NKAIN3: variants seen among roughly 807,000 people sequenced by gnomAD.
NKAIN3 encodes the protein sodium/potassium transporting ATPase interacting 3.
In NKAIN3, 25 loss-of-function variants were observed where a neutral mutation model predicts 30.2. The ratio of observed to expected loss-of-function variants is 0.83; its 90% CI spans 0.60 to 1.16. The LOEUF is 1.16. NKAIN3 is among the 50% of genes most tolerant of loss of function. The pLI, the probability that NKAIN3 is intolerant of heterozygous loss-of-function variation, is 0.00. For synonymous variants in NKAIN3, 91 were observed against 89.6 expected (o/e 1.02, Z -0.09); for missense variants, 225 against 254.1 (o/e 0.89, Z 0.78).
chr8:62,573,463 C>A (rs577976147), intron 1 of NKAIN3, among the ~76,000 whole-genome samples: 1 of 152,192 alleles, frequency 6.6e-6, no homozygotes, highest in African/African-American at 2.4e-5. Context: ...TTGAACCATG[C>A]TTTCGTTATG....
chr8:62,926,726 G>A (rs1822458504), intron 5 of NKAIN3, among the ~76,000 whole-genome samples: 1 of 152,058 alleles, frequency 6.6e-6, no homozygotes, highest in African/African-American at 2.4e-5. Context: ...CTGAGACTCT[G>A]TCACACAAAA....
intron 3 of NKAIN3, among the ~76,000 whole-genome samples, chr8:62,746,431 A>G (rs1816072585): frequency 6.6e-6 from 1 of 152,248 alleles, no homozygotes; most frequent in Non-Finnish European, 1.5e-5. Context: ...GAAGCTAAGT[A>G]TCATTGGTGG....
At chr8:62,677,985 A>G (rs888708171) in intron 3 of NKAIN3, among the ~76,000 whole-genome samples, 2 of 152,194 alleles carry the variant, frequency 1.3e-5, no homozygotes, top group African/African-American at 2.4e-5. Flanking sequence ...GTCCAAACAT[A>G]CCAAGATTCA....
chr8:62,257,550 C>G (rs1352261377), intron 1 of NKAIN3, among the ~76,000 whole-genome samples: 3 of 152,094 alleles, frequency 2.0e-5, no homozygotes, highest in South Asian at 2.1e-4. Context: ...TCCTGTCACT[C>G]CTCTTCAAAA....
rs1000753946 is a variant in NKAIN3 at position 62,855,357 on chromosome 8, C to T, written c.472-63096C>T. On this transcript the variant is annotated intron_variant, in intron 4 of 6. Coordinates refer to ENST00000623646, the MANE Select transcript of NKAIN3 (RefSeq NM_001304533.3). ...TCCAGCAGCTCCTGCTTCTTCAGCC[C>T]ATATGCCTCTTTCAGCATGGGCACA... 8.7e-6 allele frequency: 6 copies of T among 690,340 alleles called. No individual in the cohort carries two copies. In the African/African-American group the frequency reaches 1.1e-4, roughly 12 times the overall value. The allele number at this position is 690,340 out of a possible 1,614,324, so 42.8% of individuals were successfully genotyped here. A position where few individuals can be genotyped will look rare whatever the true frequency, so the allele number is the denominator to read the frequency against.
intron 1 of NKAIN3, among the ~76,000 whole-genome samples, chr8:62,357,051 G>A (rs544092122): frequency 6.6e-6 from 1 of 152,230 alleles, no homozygotes; most frequent in African/African-American, 2.4e-5. Context: ...GCAGTAAACT[G>A]AAATCATGCC....
chr8:62,671,369 G>A (rs559191112), intron 3 of NKAIN3, among the ~76,000 whole-genome samples: 50 of 152,178 alleles, frequency 3.3e-4, no homozygotes, highest in African/African-American at 1.1e-3. Context: ...ACTTAGTGCC[G>A]AGATTGTATT....
intron 4 of NKAIN3, among the ~76,000 whole-genome samples, chr8:62,761,754 G>T (rs936826839): frequency 6.6e-6 from 1 of 152,152 alleles, no homozygotes; most frequent in African/African-American, 2.4e-5. Flanking sequence ...TCATATTGCC[G>T]AAAAGAACAG....
At chr8:62,654,498 AT>A (rs984407732) in intron 3 of NKAIN3, among the ~76,000 whole-genome samples, 12 of 152,276 alleles carry the variant, frequency 7.9e-5, no homozygotes, top group African/African-American at 2.9e-4. Context: ...GGACAAGAAG[AT>A]GATACAAGCT....
intron 6 of NKAIN3, among the ~76,000 whole-genome samples, chr8:62,965,103 CACA>C (rs932960472): frequency 2.6e-5 from 4 of 152,148 alleles, no homozygotes; most frequent in African/African-American, 7.2e-5. Context: ...CTCCATATCA[CACA>C]ACAATTACTG....
intron 1 of NKAIN3, among the ~76,000 whole-genome samples, chr8:62,411,667 G>A (rs1221386808): frequency 6.6e-6 from 1 of 152,162 alleles, no homozygotes; most frequent in African/African-American, 2.4e-5. Context: ...TTAAGATGAT[G>A]TCAAGAGACT....
intron 4 of NKAIN3, among the ~76,000 whole-genome samples, chr8:62,821,763 G>A (rs1375020246): frequency 1.3e-5 from 2 of 151,956 alleles, no homozygotes; most frequent in Non-Finnish European, 1.5e-5. Flanking sequence ...TTCTCTTTTG[G>A]AGGACACGAC....
intron 3 of NKAIN3, among the ~76,000 whole-genome samples, chr8:62,648,136 A>T (rs1312216094): frequency 9.2e-5 from 14 of 152,160 alleles, no homozygotes; most frequent in Admixed American, 9.2e-4. Context: ...AGATTAACAG[A>T]TGGATACGTT....
chr8:62,490,127 A>G (rs912511911), intron 1 of NKAIN3, among the ~76,000 whole-genome samples: 6 of 152,206 alleles, frequency 3.9e-5, no homozygotes, highest in African/African-American at 1.4e-4. Context: ...TGTACATTTC[A>G]TCCATATTCA....
chr8:62,932,221 C>T (rs1822639862), intron 5 of NKAIN3, among the ~76,000 whole-genome samples: 1 of 152,182 alleles, frequency 6.6e-6, no homozygotes, highest in Non-Finnish European at 1.5e-5. Flanking sequence ...AATTGATTCA[C>T]TCATTCAAGA....
chr8:62,624,515 A>T (rs1361357120), intron 3 of NKAIN3, among the ~76,000 whole-genome samples: 1 of 131,522 alleles, frequency 7.6e-6, no homozygotes. Context: ...GGCTTTATTT[A>T]GGTTTTTTTT....
intron 1 of NKAIN3, among the ~76,000 whole-genome samples, chr8:62,469,443 T>A (rs1806257019): frequency 6.6e-6 from 1 of 152,134 alleles, no homozygotes; most frequent in African/African-American, 2.4e-5. Context: ...AATATGAACG[T>A]GAGCTCTCTA....
chr8:62,762,262 G>A (rs1816690589), intron 4 of NKAIN3, among the ~76,000 whole-genome samples: 1 of 151,756 alleles, frequency 6.6e-6, no homozygotes, highest in Admixed American at 6.6e-5. Flanking sequence ...GTTGCAGTGA[G>A]CCAAGATAAG....
At chr8:62,749,386 G>A (rs954953250) in intron 4 of NKAIN3, among the ~76,000 whole-genome samples, 1 of 152,068 alleles carries the variant, frequency 6.6e-6, no homozygotes, top group Non-Finnish European at 1.5e-5. Flanking sequence ...ATTTCTCCAC[G>A]TGTTATTTTA....
Sources: allele counts gnomAD v4.1 joint callset (sites outside exome capture counted in the v4.1 genomes callset), GRCh38; gene constraint gnomAD v4.1.1; transcripts MANE v1.5; gene names NCBI Gene and HGNC (gene_info 2026-07-23, HGNC 2026-07-21).